Variants in UBE2E2 observed in about 807,000 individuals in gnomAD.
UBE2E2 encodes the protein ubiquitin-conjugating enzyme E2 E2.
In UBE2E2, 6 loss-of-function variants were observed where a neutral mutation model predicts 24.7. The observed-to-expected ratio is 0.24, with a 90% CI of 0.13 to 0.48. The LOEUF (loss-of-function observed/expected upper bound fraction) is 0.48, where lower values mean the gene tolerates loss of function less well. Among genes scored for constraint, UBE2E2 ranks in the 20% least tolerant of loss-of-function variants. The pLI, the probability that UBE2E2 is intolerant of heterozygous loss-of-function variation, is 0.99. For missense variants in UBE2E2, 169 were observed against 245.0 expected (o/e 0.69, Z 2.07); for synonymous variants, 104 against 83.6 (o/e 1.24, Z -1.33).
intron 3 of UBE2E2, among the ~76,000 whole-genome samples, chr3:23,277,392 C>T (rs1002897824): frequency 6.6e-6 from 1 of 152,008 alleles, no homozygotes; most frequent in Admixed American, 6.6e-5. Flanking sequence ...AGGTTTCAGG[C>T]AGTTATGATT....
chr3:23,405,477 A>T (rs973884420), intron 3 of UBE2E2, among the ~76,000 whole-genome samples: 3 of 152,190 alleles, frequency 2.0e-5, no homozygotes, highest in African/African-American at 7.2e-5. Context: ...GTTAGTAGGG[A>T]GTATGAGTAC....
intron 3 of UBE2E2, among the ~76,000 whole-genome samples, chr3:23,304,753 A>G (rs964336368): frequency 6.6e-6 from 1 of 152,216 alleles, no homozygotes; most frequent in South Asian, 2.1e-4. Context: ...ATCTGAAATC[A>G]TATCAGTGAA....
At chr3:23,345,400 C>T (rs1695524058) in intron 3 of UBE2E2, among the ~76,000 whole-genome samples, 1 of 152,170 alleles carries the variant, frequency 6.6e-6, no homozygotes, top group Admixed American at 6.5e-5. Flanking sequence ...AGATTCAATA[C>T]AACAACTTTT....
At chr3:23,569,796 A>G (rs1559425306) in intron 5 of UBE2E2, among the ~76,000 whole-genome samples, 1 of 152,206 alleles carries the variant, frequency 6.6e-6, no homozygotes, top group Non-Finnish European at 1.5e-5. Flanking sequence ...GATTTAATGT[A>G]TGTAGCACTG....
chr3:23,529,207 G>C (rs1173478050), intron 4 of UBE2E2, among the ~76,000 whole-genome samples: 1 of 152,190 alleles, frequency 6.6e-6, no homozygotes, highest in African/African-American at 2.4e-5. Context: ...AGAGTTGTTT[G>C]TGTGTTGACT....
In UBE2E2 at chr3:23,499,749, G is replaced by A; in HGVS notation, c.360+9G>A. The A allele has an allele frequency of 5.0e-6, 8 of 1,607,342 alleles. No individual in the cohort carries two copies. Among genetic ancestry groups the A allele is most frequent in the Middle Eastern group, 1.7e-4 (1 of 6,008 alleles). On this transcript the variant is annotated intron_variant, in intron 4 of 5. Coordinates refer to ENST00000396703, the MANE Select transcript of UBE2E2 (RefSeq NM_152653.4). ...CGTTTAAACCCCCTAAGGTCAGTATGAAGTTTTCATTGATTTTTAGCAATA... is the reference window on the plus strand; with the variant it reads ...CGTTTAAACCCCCTAAGGTCAGTATAAAGTTTTCATTGATTTTTAGCAATA...
At chr3:23,274,500 C>T (rs954567604) in intron 3 of UBE2E2, among the ~76,000 whole-genome samples, 2 of 151,910 alleles carry the variant, frequency 1.3e-5, no homozygotes, top group South Asian at 2.1e-4. Flanking sequence ...GGACTGTAGG[C>T]GCGCACCACC....
intron 3 of UBE2E2, among the ~76,000 whole-genome samples, chr3:23,357,467 T>C (rs979978677): frequency 6.6e-5 from 10 of 152,138 alleles, no homozygotes; most frequent in Non-Finnish European, 1.5e-4. Flanking sequence ...ATAGAAAATA[T>C]TTGATTCTTT....
At chr3:23,565,473 A>G (rs1008748251) in intron 5 of UBE2E2, among the ~76,000 whole-genome samples, 89 of 46,698 alleles carry the variant, frequency 1.9e-3, no homozygotes, top group African/African-American at 8.4e-3. Flanking sequence ...TTTTTTTTTC[A>G]GTGAAAGAGG....
intron 3 of UBE2E2, chr3:23,449,714 C>A: frequency 3.3e-6 from 1 of 301,044 alleles, no homozygotes. Flanking sequence ...AATCACACAT[C>A]ATGATTCATC....
At chr3:23,517,701 T>C (rs983338693) in intron 4 of UBE2E2, among the ~76,000 whole-genome samples, 4 of 152,184 alleles carry the variant, frequency 2.6e-5, no homozygotes, top group Non-Finnish European at 5.9e-5. Context: ...CTGAAATCTT[T>C]ATTTAGCTGT....
At chr3:23,293,894 T>A (rs1324342065) in intron 3 of UBE2E2, among the ~76,000 whole-genome samples, 5 of 152,216 alleles carry the variant, frequency 3.3e-5, no homozygotes, top group African/African-American at 4.8e-5. Context: ...GTCGAGAGGA[T>A]TCCTCAAGCC....
chr3:23,505,086 T>G (rs1222630719), intron 4 of UBE2E2, among the ~76,000 whole-genome samples: 2 of 150,306 alleles, frequency 1.3e-5, no homozygotes, highest in African/African-American at 4.9e-5. Flanking sequence ...TTGTTTTTTT[T>G]TTTGTTTTTT....
chr3:23,361,738 T>C (rs1003774541), intron 3 of UBE2E2, among the ~76,000 whole-genome samples: 2 of 152,110 alleles, frequency 1.3e-5, no homozygotes, highest in African/African-American at 2.4e-5. Flanking sequence ...GGTGGGTGCA[T>C]TGAAATCTCA....
Position 23,284,662 on chromosome 3 carries a change from T to A in UBE2E2, c.227+67350T>A, listed in dbSNP as rs78377261. On this transcript the variant is annotated intron_variant, in intron 3 of 5. Coordinates refer to ENST00000396703, the MANE Select transcript of UBE2E2 (RefSeq NM_152653.4). ...GGAGTATTTGTCTTTTAAAGAAGAT[T>A]CTCATTTCATTCATAAATTTTGTTT... Among the ~76,000 whole-genome samples, 360 of 152,164 alleles carry A rather than the reference T, an allele frequency of 2.4e-3. 3 individuals are homozygous for A. Among genetic ancestry groups the A allele is most frequent in the African/African-American group, 8.3e-3 (343 of 41,542 alleles).
At position 23,365,268 on chromosome 3, in the gene UBE2E2, G is replaced by T. The variant is rs145614095; in HGVS notation, c.228-134340G>T. The stretch of plus-strand genomic sequence containing the variant: ...TACTTAACCATAGTACTAGAAGTCC[G>T]AGCCAGAGCAATCAGGCAAGAGAAG... On this transcript the variant is annotated intron_variant, in intron 3 of 5. Transcript: ENST00000396703. 5.9e-4 allele frequency among the ~76,000 whole-genome samples: 90 copies of T among 152,222 alleles called. 3 individuals carry two copies. In the East Asian group the frequency reaches 0.015, roughly 26 times the overall value.
At chr3:23,422,276 T>G (rs1018262537) in intron 3 of UBE2E2, among the ~76,000 whole-genome samples, 40 of 152,220 alleles carry the variant, frequency 2.6e-4, no homozygotes, top group African/African-American at 8.9e-4. Flanking sequence ...AGGAGGTAAG[T>G]TGGCTATTTT....
chr3:23,509,622 C>T lies in UBE2E2; in HGVS notation c.360+9882C>T, dbSNP rs145123386. Among the ~76,000 whole-genome samples, 7 of 151,922 alleles carry T rather than the reference C, an allele frequency of 4.6e-5. No homozygotes were observed. In the South Asian group the frequency reaches 6.3e-4, roughly 14 times the overall value. ...CTTGAAGTTCTAGGGTACATGTGCA[C>T]AACATGTAGGTTTGTTACATATGTA... On this transcript the variant is annotated intron_variant, in intron 4 of 5. Transcript: ENST00000396703.
intron 3 of UBE2E2, among the ~76,000 whole-genome samples, chr3:23,304,802 C>A (rs753252626): frequency 2.6e-5 from 4 of 152,038 alleles, no homozygotes; most frequent in Non-Finnish European, 2.9e-5. Flanking sequence ...TTGAAATCTA[C>A]CAGCCTGCCT....
Sources: allele counts gnomAD v4.1 joint callset (sites outside exome capture counted in the v4.1 genomes callset), GRCh38; gene constraint gnomAD v4.1.1; transcripts MANE v1.5; gene names NCBI Gene and HGNC (gene_info 2026-07-23, HGNC 2026-07-21).